Variants in ABCC9 observed in about 807,000 individuals in gnomAD.
The protein encoded by ABCC9 is ATP binding cassette subfamily C member 9, also known as ATP-binding cassette sub-family C member 9.
Under a neutral mutation model 188.3 loss-of-function variants are expected in ABCC9, and 95 were observed. The ratio of observed to expected loss-of-function variants is 0.50; its 90% CI spans 0.43 to 0.60. The LOEUF is 0.60. Among genes scored for constraint, ABCC9 ranks in the 20% least tolerant of loss-of-function variants. The probability of loss-of-function intolerance (pLI) is 0.00; values close to 1 mark genes in which losing one functional copy is unlikely to be tolerated. For synonymous variants in ABCC9, 659 were observed against 652.7 expected, an observed-to-expected ratio of 1.01 and a Z score of -0.15; for missense variants, 1,102 against 1,876.3, an observed-to-expected ratio of 0.59 and a Z score of 7.62.
intron 7 of ABCC9, 29 bp from the exon 8 acceptor site, chr12:21,913,095 A>G: frequency 6.5e-7 from 1 of 1,541,330 alleles, no homozygotes; most frequent in Non-Finnish European, 8.9e-7. Flanking sequence ...AAAAAAAAAC[A>G]GATGTAACAA....
In ABCC9 at chr12:21,817,881, A is replaced by AT. The variant is rs528222833; in HGVS notation, c.3771+268dup. ...ACCCTCCAACACTGCACAAAATGAG[A>AT]TTTTTTTCCCTTTATTTCTTCTAAA... On this transcript the variant is annotated intron_variant, in intron 32 of 39. Coordinates refer to ENST00000261200, the MANE Select transcript of ABCC9 (RefSeq NM_020297.4). Among the ~76,000 whole-genome samples the AT allele has an allele frequency of 5.9e-5, 9 of 151,998 alleles. 1 individual carries two copies. Among genetic ancestry groups the AT allele is most frequent in the South Asian group, 2.1e-4 (1 of 4,814 alleles).
intron 5 of ABCC9, among the ~76,000 whole-genome samples, chr12:21,920,332 C>G (rs1398113147): frequency 6.6e-6 from 1 of 151,992 alleles, no homozygotes; most frequent in Admixed American, 6.6e-5. Context: ...TTTGCTTATA[C>G]AGAAAATCTT....
chr12:21,802,925 A>C (rs1941561533), intron 39 of ABCC9, among the ~76,000 whole-genome samples: 1 of 152,094 alleles, frequency 6.6e-6, no homozygotes, highest in African/African-American at 2.4e-5. Flanking sequence ...ACGTGAGGGG[A>C]AAAGAAACAT....
chr12:21,827,831 T>C (rs928916536), intron 31 of ABCC9, among the ~76,000 whole-genome samples: 4 of 152,198 alleles, frequency 2.6e-5, no homozygotes, highest in African/African-American at 9.7e-5. Context: ...AATTTCTACA[T>C]AATGACTAAT....
intron 2 of ABCC9, among the ~76,000 whole-genome samples, chr12:21,940,027 T>C (rs987619488): frequency 1.3e-5 from 2 of 152,196 alleles, no homozygotes; most frequent in Non-Finnish European, 2.9e-5. Flanking sequence ...AGTAGTTATC[T>C]GATTTAATTC....
chr12:21,811,022 C>G (rs1434158492), intron 36 of ABCC9, among the ~76,000 whole-genome samples: 3 of 152,062 alleles, frequency 2.0e-5, no homozygotes, highest in Non-Finnish European at 4.4e-5. Context: ...TCTGTGTTCC[C>G]ACCCAAATCT....
chr12:21,876,293 A>G (rs1028801269), intron 16 of ABCC9, among the ~76,000 whole-genome samples: 1 of 152,212 alleles, frequency 6.6e-6, no homozygotes, highest in African/African-American at 2.4e-5. Context: ...AAAGACAATT[A>G]TCCCAAACAT....
Position 21,817,314 on chromosome 12 carries a change from C to T in ABCC9, c.3772-7G>A. ...AATTCAAATAATTGGTTATCTGTGTCAGGTGATTAAAAAAATTGTTTTAAA... is the reference window on the plus strand; with the variant it reads ...AATTCAAATAATTGGTTATCTGTGTTAGGTGATTAAAAAAATTGTTTTAAA... On this transcript the variant is annotated splice_polypyrimidine_tract_variant and splice_region_variant and intron_variant, in intron 32 of 39. Coordinates refer to ENST00000261200, the MANE Select transcript of ABCC9 (RefSeq NM_020297.4). The T allele has an allele frequency of 6.2e-7, 1 of 1,613,232 alleles. No homozygotes were observed.
intron 36 of ABCC9, 118 bp from the exon 37 acceptor site, chr12:21,810,073 T>C (rs1408044871): frequency 4.3e-6 from 3 of 701,994 alleles, no homozygotes; most frequent in Admixed American, 4.2e-5. Flanking sequence ...GTTACTGCTG[T>C]ATATTCAGCA....
chr12:21,828,670 A>G, intron 31 of ABCC9: 1 of 403,246 alleles, frequency 2.5e-6, no homozygotes, highest in Non-Finnish European at 4.7e-6. Flanking sequence ...TTTTGGAAAA[A>G]AAAATTTGAA....
At chr12:21,874,534 G>A (rs896026600) in intron 17 of ABCC9, among the ~76,000 whole-genome samples, 1 of 152,126 alleles carries the variant, frequency 6.6e-6, no homozygotes, top group African/African-American at 2.4e-5. Context: ...ATCAGAATTA[G>A]GGTCTCAAAG....
intron 15 of ABCC9, among the ~76,000 whole-genome samples, chr12:21,885,972 T>A (rs1167644212): frequency 6.6e-6 from 1 of 152,128 alleles, no homozygotes; most frequent in African/African-American, 2.4e-5. Context: ...TTGGTTCACA[T>A]AAATGGTAAA....
intron 5 of ABCC9, chr12:21,925,601 G>C: frequency 2.9e-6 from 2 of 683,370 alleles, no homozygotes; most frequent in Non-Finnish European, 5.3e-6. Flanking sequence ...TGGTGCCGCA[G>C]CTCCTCACAA....
In ABCC9 at chr12:21,932,502, T is replaced by G. The variant is rs1488203705; in HGVS notation, c.284+1280A>C. Among the ~76,000 whole-genome samples the G allele has an allele frequency of 2.0e-5, 3 of 151,592 alleles. No individual in the cohort carries two copies. The East Asian group carries it at 5.8e-4, about 29-fold the overall frequency. On this transcript the variant is annotated intron_variant, in intron 4 of 39. Transcript: ENST00000261200. The stretch of plus-strand genomic sequence containing the variant: ...AGACAACCTACAAAATGGAAGAAAA[T>G]TTTTGCAAACTATGCATCCAACAAA...
chr12:21,819,487 C>T (rs1942896099), intron 31 of ABCC9, among the ~76,000 whole-genome samples: 1 of 152,178 alleles, frequency 6.6e-6, no homozygotes, highest in Non-Finnish European at 1.5e-5. Flanking sequence ...AACCAATGAT[C>T]CCAGCCTTGG....
intron 24 of ABCC9, among the ~76,000 whole-genome samples, chr12:21,848,581 T>C (rs1388699396): frequency 1.3e-5 from 2 of 152,236 alleles, no homozygotes; most frequent in East Asian, 3.8e-4. Context: ...ACCTTCAGAC[T>C]ATCCTTGTAA....
intron 30 of ABCC9, among the ~76,000 whole-genome samples, chr12:21,835,065 A>G: frequency 6.6e-6 from 1 of 152,096 alleles, no homozygotes; most frequent in Non-Finnish European, 1.5e-5. Context: ...TTTTAGTTGA[A>G]AGACTGAGAC....
chr12:21,819,167 C>A (rs1942873911), intron 31 of ABCC9, among the ~76,000 whole-genome samples: 1 of 152,238 alleles, frequency 6.6e-6, no homozygotes, highest in East Asian at 1.9e-4. Context: ...TCTGTCTCAT[C>A]ATTCAAAAAA....
intron 22 of ABCC9, among the ~76,000 whole-genome samples, chr12:21,859,091 T>C (rs1945375225): frequency 6.6e-6 from 1 of 152,118 alleles, no homozygotes; most frequent in Non-Finnish European, 1.5e-5. Flanking sequence ...AGATTCTACC[T>C]TTACAGATTA....
Sources: allele counts gnomAD v4.1 joint callset (sites outside exome capture counted in the v4.1 genomes callset), GRCh38; gene constraint gnomAD v4.1.1; transcripts MANE v1.5; gene names NCBI Gene and HGNC (gene_info 2026-07-23, HGNC 2026-07-21).